Variants in TTI1 observed in about 807,000 individuals in gnomAD.
The protein encoded by TTI1 is TELO2 interacting protein 1.
Under a neutral mutation model 85.4 loss-of-function variants are expected in TTI1, and 52 were observed. The observed-to-expected ratio is 0.61, with a 90% confidence interval of 0.49 to 0.77. The LOEUF (loss-of-function observed/expected upper bound fraction) is 0.77, where lower values mean the gene tolerates loss of function less well. Ranked by LOEUF, TTI1 falls within the 30% of genes least tolerant of loss-of-function variation. TTI1 has a pLI of 0.00. For synonymous variants in TTI1, 512 were observed against 503.9 expected (o/e 1.02, Z -0.22); for missense variants, 1,173 against 1,296.0 (o/e 0.91, Z 1.46).
At chr20:38,024,168 G>T (rs1165925800) in intron 1 of TTI1, among the ~76,000 whole-genome samples, 1 of 152,020 alleles carries the variant, frequency 6.6e-6, no homozygotes, top group African/African-American at 2.4e-5. Flanking sequence ...ATGACCTCCT[G>T]CCCTCCCCCG....
At chr20:38,026,003 C>T (rs6097397) in intron 1 of TTI1, among the ~76,000 whole-genome samples, 14,275 of 152,198 alleles carry the variant, frequency 0.094, 883 homozygotes, top group East Asian at 0.32. Context: ...TGGCTGAAAA[C>T]GCCACAAAGT....
intron 1 of TTI1, among the ~76,000 whole-genome samples, chr20:38,023,409 T>C (rs545811795): frequency 1.3e-5 from 2 of 152,352 alleles, no homozygotes; most frequent in African/African-American, 4.8e-5. Context: ...CTTGGGAATC[T>C]ACAATTTTAA....
intron 7 of TTI1, 102 bp downstream of exon 7, chr20:37,996,273 G>T: frequency 1.7e-6 from 2 of 1,202,954 alleles, no homozygotes; most frequent in Non-Finnish European, 2.4e-6. Flanking sequence ...CTGGCAGGGT[G>T]ACAGAGAAAA....
chr20:38,020,348 ATATATG>A (rs200454250), intron 1 of TTI1, among the ~76,000 whole-genome samples: 14,860 of 121,886 alleles, frequency 0.12, 1,238 homozygotes, highest in Non-Finnish European at 0.18. Context: ...ATATATATAT[ATATATG>A]TATGTATCTT....
intron 1 of TTI1, among the ~76,000 whole-genome samples, chr20:38,031,927 A>G (rs1032081905): frequency 7.9e-5 from 12 of 152,246 alleles, no homozygotes; most frequent in Non-Finnish European, 1.6e-4. Context: ...CTTAATAGAC[A>G]GTGACTTGGT....
intron 3 of TTI1, among the ~76,000 whole-genome samples, chr20:38,003,905 T>A (rs60807949): frequency 3.9e-5 from 6 of 152,256 alleles, no homozygotes; most frequent in African/African-American, 1.4e-4. Flanking sequence ...ATCTGTCTTC[T>A]CCACCAGCCT....
intron 4 of TTI1, among the ~76,000 whole-genome samples, chr20:38,001,955 G>T (rs1401589775): frequency 6.6e-6 from 1 of 152,150 alleles, no homozygotes; most frequent in Non-Finnish European, 1.5e-5. Context: ...CAACTCAGGT[G>T]ATCCGCCCAC....
At position 38,013,874 on chromosome 20, in the gene TTI1, G is replaced by A; in HGVS notation, c.-41-17C>T. On this transcript the variant is annotated splice_polypyrimidine_tract_variant and intron_variant, in intron 1 of 7. Coordinates refer to ENST00000373447, the MANE Select transcript of TTI1 (RefSeq NM_001303457.2). ...TCCTGCAGGCTGGAGGAAGGAAACT[G>A]TTCAGTAAAAATGTCAAGTTCAAAG... 1 of 1,541,314 alleles carries A rather than the reference G, an allele frequency of 6.5e-7. No individual in the cohort carries two copies. The highest frequency in any genetic ancestry group is 2.3e-5 in the East Asian group (1 of 44,374).
intron 1 of TTI1, among the ~76,000 whole-genome samples, chr20:38,028,226 T>C (rs2073860311): frequency 6.6e-6 from 1 of 152,154 alleles, no homozygotes. Flanking sequence ...AATTAAAAGA[T>C]TGAGATTGGC....
At chr20:38,032,801 T>C (rs1348861976) in intron 1 of TTI1, among the ~76,000 whole-genome samples, 1 of 152,246 alleles carries the variant, frequency 6.6e-6, no homozygotes, top group East Asian at 1.9e-4. Flanking sequence ...CGCCTCGGCC[T>C]CCCAAAGGGT....
In TTI1 at chr20:38,013,269, A is replaced by C. The variant is rs780144475; in HGVS notation, c.548T>G (p.Leu183Trp). 6.2e-7 allele frequency: 1 copy of C among 1,613,994 alleles called. No homozygotes were observed. Among genetic ancestry groups the C allele is most frequent in the East Asian group, 2.2e-5 (1 of 44,892 alleles). Residue 183 changes from leucine (L) to tryptophan (W), a missense_variant, in exon 2 of 8, where the codon TTG becomes TGG. Transcript: ENST00000373447. ...TGGATGGTCCTGACAATCACACTGC[A>C]AGAGTAGAACCTGTAAACATTTTAA... is the stretch of plus-strand genomic sequence containing the variant. ...AALKCLQVLL[L>W]QCDCQDHPRS...
intron 1 of TTI1, among the ~76,000 whole-genome samples, chr20:38,020,319 A>ATATATATAT (rs1555795761): frequency 2.9e-4 from 13 of 44,154 alleles, no homozygotes; most frequent in African/African-American, 1.4e-3. Context: ...TGAAAAAAAA[A>ATATATATAT]AAAAATATAT....
In TTI1 at chr20:38,012,948, A is replaced by C. The variant is rs770967665; in HGVS notation, c.869T>G (p.Leu290Arg). Residue 290 changes from leucine (L) to arginine (R), a missense_variant, in exon 2 of 8, where the codon CTT becomes CGT. Transcript: ENST00000373447. ...VKKTGDKLTI[L>R]IKKIIECVSV... ...AACACACTCAATTATCTTTTTAATA[A>C]GGATAGTCAACTTGTCGCCAGTCTT... 2 of 1,614,044 alleles carry C rather than the reference A, an allele frequency of 1.2e-6. No homozygotes were observed. The highest frequency in any genetic ancestry group is 1.7e-6 in the Non-Finnish European group (2 of 1,180,034).
At chr20:38,005,810 T>TA (rs11481355) in intron 3 of TTI1, 34,539 of 148,112 alleles carry the variant, frequency 0.23, 4,677 homozygotes, top group African/African-American at 0.39. Flanking sequence ...ATAAAAAAAA[T>TA]AAAAAAAAAA....
At chr20:38,001,667 A>G (rs1429761375) in intron 4 of TTI1, among the ~76,000 whole-genome samples, 1 of 152,166 alleles carries the variant, frequency 6.6e-6, no homozygotes, top group Non-Finnish European at 1.5e-5. Context: ...ACCCCTGAGC[A>G]AGGCAATGTA....
At chr20:37,987,389 A>G in intron 7 of TTI1, 1 of 456,658 alleles carries the variant, frequency 2.2e-6, no homozygotes, top group Non-Finnish European at 4.4e-6. Context: ...TGCGATGCGC[A>G]GGGATGGCTG....
Position 37,983,653 on chromosome 20 carries a change from G to T in TTI1, c.3087-14C>A. ...TGGAGGAAGACGCTGTGGAGAGATG[G>T]AAAGGAGTGAGTAGAGGGTACAGAG... On this transcript the variant is annotated splice_polypyrimidine_tract_variant and intron_variant, in intron 7 of 7. Coordinates refer to ENST00000373447, the MANE Select transcript of TTI1 (RefSeq NM_001303457.2). 6.6e-7 allele frequency: 1 copy of T among 1,504,306 alleles called. No individual in the cohort carries two copies. Among genetic ancestry groups the T allele is most frequent in the South Asian group, 1.3e-5 (1 of 74,620 alleles). 93.2% of individuals were successfully genotyped at this position (1,504,306 alleles called of 1,614,324 possible).
At chr20:37,987,626 A>G (rs887255468) in intron 7 of TTI1, among the ~76,000 whole-genome samples, 1 of 152,190 alleles carries the variant, frequency 6.6e-6, no homozygotes, top group African/African-American at 2.4e-5. Context: ...GAGGCGAGTG[A>G]TTATCTCTCA....
intron 7 of TTI1, among the ~76,000 whole-genome samples, chr20:37,995,648 T>A (rs1485747257): frequency 6.6e-6 from 1 of 152,210 alleles, no homozygotes; most frequent in Non-Finnish European, 1.5e-5. Context: ...CAGAGTAGAT[T>A]TGGGGTCTCA....
Sources: allele counts gnomAD v4.1 joint callset (sites outside exome capture counted in the v4.1 genomes callset), GRCh38; gene constraint gnomAD v4.1.1; transcripts MANE v1.5; gene names NCBI Gene and HGNC (gene_info 2026-07-23, HGNC 2026-07-21).